Variants in PALB2 observed in about 807,000 individuals in gnomAD.
The protein encoded by PALB2 is mutant partner and localizer of BRCA2.
Under a neutral mutation model 107.4 loss-of-function variants are expected in PALB2, and 82 were observed. That is an observed-to-expected ratio of 0.76 (90% CI 0.64 to 0.92). PALB2 has a LOEUF of 0.92. Ranked by LOEUF, PALB2 falls within the 40% of genes least tolerant of loss-of-function variation. PALB2 has a pLI of 0.00. For synonymous variants in PALB2, 489 were observed against 496.8 expected (o/e 0.98, Z 0.21); for missense variants, 1,374 against 1,379.9 (o/e 1.00, Z 0.07).
chr16:23,610,782 A>C (rs145544315), intron 11 of PALB2, among the ~76,000 whole-genome samples: 9,023 of 152,020 alleles, frequency 0.059, 391 homozygotes, highest in Non-Finnish European at 0.088. Context: ...TTACGCCTGT[A>C]ATCCCAGCAT....
rs562818120 is a variant in PALB2, at chr16:23,639,904, GAC to G, written c.48+1204_48+1205del. The stretch of plus-strand genomic sequence containing the variant: ...TAAGGAATTTTCTTTTTTTTTGAGA[GAC>G]AGTCTCACTCTGTCGTCCAGCCTGG... On this transcript the variant is annotated intron_variant, in intron 1 of 12. Coordinates refer to ENST00000261584, the MANE Select transcript of PALB2 (RefSeq NM_024675.4). Among the ~76,000 whole-genome samples, 8 of 152,002 alleles carry G rather than the reference GAC, an allele frequency of 5.3e-5. No homozygotes were observed. The South Asian group carries it at 1.7e-3, about 32-fold the overall frequency.
At chr16:23,626,820 C>T (rs960454730) in intron 6 of PALB2, among the ~76,000 whole-genome samples, 21 of 152,118 alleles carry the variant, frequency 1.4e-4, no homozygotes, top group African/African-American at 4.8e-4. Context: ...CAAGGTTTCA[C>T]CATTTGGCCA....
At position 23,639,519 on chromosome 16, in the gene PALB2, A is replaced by C. The variant is rs1167457207; in HGVS notation, c.49-1390T>G. 5.5e-5 allele frequency among the ~76,000 whole-genome samples: 8 copies of C among 145,156 alleles called. No individual in the cohort carries two copies. The East Asian group carries it at 1.6e-3, about 29-fold the overall frequency. ...GGCAACAGAGCGAGACTCTGCTTGA[A>C]AAAAAAAAAAAAAAAAAAGGCCGGG... On this transcript the variant is annotated intron_variant, in intron 1 of 12. Coordinates refer to ENST00000261584, the MANE Select transcript of PALB2 (RefSeq NM_024675.4).
chr16:23,640,195 A>ACCAAT lies in PALB2; in HGVS notation c.48+910_48+914dup, dbSNP rs1370038299. The ACCAAT allele has an allele frequency of 3.4e-5, 6 of 176,966 alleles. No individual in the cohort carries two copies. The East Asian group carries it at 5.8e-4, about 17-fold the overall frequency. The allele number at this position is 176,966 out of a possible 1,614,324, so 11.0% of individuals were successfully genotyped here. On this transcript the variant is annotated intron_variant, in intron 1 of 12. Coordinates refer to ENST00000261584, the MANE Select transcript of PALB2 (RefSeq NM_024675.4). ...CGTGAGCCAGGGAGACTGGCCTCCC[A>ACCAAT]CCAATCTTATCAATGTCTGGGGATT... is the stretch of plus-strand genomic sequence containing the variant.
chr16:23,626,538 G>C (rs1966843182), intron 6 of PALB2, 141 bp from the exon 7 acceptor site: 7 of 901,298 alleles, frequency 7.8e-6, no homozygotes, highest in Non-Finnish European at 6.9e-6. Context: ...AAAAGAAAGA[G>C]CTTTGTGGTT....
At chr16:23,613,489 CA>C (rs1966623900) in intron 11 of PALB2, among the ~76,000 whole-genome samples, 1 of 151,904 alleles carries the variant, frequency 6.6e-6, no homozygotes, top group South Asian at 2.1e-4. Flanking sequence ...ACTAAAAATA[CA>C]AAAATTAGCC....
At position 23,624,063 on chromosome 16, in the gene PALB2, T is replaced by A. The variant is rs62625280; in HGVS notation, c.2780A>T (p.Asp927Val). The A allele has an allele frequency of 1.2e-6, 2 of 1,608,088 alleles. No individual in the cohort carries two copies. Among genetic ancestry groups the A allele is most frequent in the East Asian group, 2.2e-5 (1 of 44,836 alleles). The change falls in exon 8 of 13, where the codon GAT (aspartate) becomes GTT (valine). Residue 927 changes from aspartate to valine, a missense_variant. By Grantham distance (152) the Asp-to-Val change is radical. Transcript: ENST00000261584. ...AGCTACACACACGAGATTATACACATCAGGCACTGGAACTATCTGTAATAC... is the reference window on the plus strand; with the variant it reads ...AGCTACACACACGAGATTATACACAACAGGCACTGGAACTATCTGTAATAC... Reference protein sequence around the residue: ...VPVLQIVPVPDVYNLVCVALG... With the variant: ...VPVLQIVPVPVVYNLVCVALG...
intron 5 of PALB2, 37 bp downstream of exon 5, chr16:23,629,603 C>T (rs2142370839): frequency 6.3e-7 from 1 of 1,592,146 alleles, no homozygotes; most frequent in East Asian, 2.2e-5. Flanking sequence ...GCATTTCATT[C>T]CTTCAGAGAA....
Position 23,641,091 on chromosome 16 carries a change from C to T in PALB2, c.48+19G>A, listed in dbSNP as rs1057523580. 1 of 1,612,458 alleles carries T rather than the reference C, an allele frequency of 6.2e-7. No homozygotes were observed. The highest frequency in any genetic ancestry group is 2.2e-5 in the East Asian group (1 of 44,850). ...GCGGGGTCAGAGTCCTGCGTCCGCCCTTCCCGCACCCCCGGCACCTTTTCC... is the reference window on the plus strand; with the variant it reads ...GCGGGGTCAGAGTCCTGCGTCCGCCTTTCCCGCACCCCCGGCACCTTTTCC... On this transcript the variant is annotated intron_variant, in intron 1 of 12. Coordinates refer to ENST00000261584, the MANE Select transcript of PALB2 (RefSeq NM_024675.4).
At chr16:23,608,801 T>TATATATATACACAC (rs560756242) in intron 11 of PALB2, among the ~76,000 whole-genome samples, 4 of 143,762 alleles carry the variant, frequency 2.8e-5, no homozygotes, top group African/African-American at 1.1e-4. Flanking sequence ...TGTATATATA[T>TATATATATACACAC]ACACACACAC....
intron 11 of PALB2, among the ~76,000 whole-genome samples, chr16:23,609,117 C>T (rs965808766): frequency 3.9e-5 from 6 of 152,160 alleles, no homozygotes; most frequent in African/African-American, 9.6e-5. Context: ...TGAGCCACGG[C>T]GTCAGGTCAA....
intron 10 of PALB2, among the ~76,000 whole-genome samples, chr16:23,618,128 A>G (rs111614974): frequency 0.011 from 1,652 of 152,164 alleles, 28 homozygotes; most frequent in African/African-American, 0.038. Flanking sequence ...CCAAGTTCTC[A>G]TCTCTACAAA....
rs1288887287 is a variant in PALB2 at position 23,635,128 on chromosome 16, G to A, written c.1418C>T (p.Pro473Leu). 1.2e-6 allele frequency: 2 copies of A among 1,614,038 alleles called. No homozygotes were observed. Among genetic ancestry groups the A allele is most frequent in the African/African-American group, 2.7e-5 (2 of 74,922 alleles). Residue 473 changes from proline to leucine, a missense_variant, in exon 4 of 13, where the codon CCA becomes CTA. By Grantham distance (98) the Pro-to-Leu change is moderately conservative. Transcript: ENST00000261584. ...AAGTTTCTGAGAGGTTCTTGAACTT[G>A]GTTGTCCTGTGCATGTGCCAGACAT... ...IRMSGTCTGQ[P>L]SSRTSQKLLS...
At chr16:23,608,821 CACAT>C (rs1966530481) in intron 11 of PALB2, among the ~76,000 whole-genome samples, 1 of 148,536 alleles carries the variant, frequency 6.7e-6, no homozygotes. Flanking sequence ...CACACACACA[CACAT>C]ATATACAGAT....
In PALB2 at chr16:23,622,959, CT is replaced by C. The variant is rs769414858; in HGVS notation, c.2996+9del. 3.7e-5 allele frequency: 60 copies of C among 1,613,900 alleles called. No individual in the cohort carries two copies. The African/African-American group carries it at 7.5e-4, about 20-fold the overall frequency. On this transcript the variant is annotated intron_variant, in intron 9 of 12. Coordinates refer to ENST00000261584, the MANE Select transcript of PALB2 (RefSeq NM_024675.4). ...TCTAATAGTTAAAAATCAATCAATG[CT>C]TTTCTTACCCTCCATCTTCTGCAAA...
Position 23,632,464 on chromosome 16 carries a change from T to C in PALB2, c.1685-1995A>G, listed in dbSNP as rs985269602. 7.9e-5 allele frequency among the ~76,000 whole-genome samples: 12 copies of C among 152,148 alleles called. No homozygotes were observed. In the East Asian group the frequency reaches 1.7e-3, roughly 22 times the overall value. The stretch of plus-strand genomic sequence containing the variant: ...ATCTCAAAAACAAACAAACCCATTA[T>C]GCTGAGCAGCCAGACACAAAAGGTC... On this transcript the variant is annotated intron_variant, in intron 4 of 12. Coordinates refer to ENST00000261584, the MANE Select transcript of PALB2 (RefSeq NM_024675.4).
At chr16:23,606,398 C>G (rs574601122) in intron 12 of PALB2, among the ~76,000 whole-genome samples, 1 of 152,248 alleles carries the variant, frequency 6.6e-6, no homozygotes, top group Admixed American at 6.5e-5. Flanking sequence ...AAGCAAGACC[C>G]TGCAGAAGTG....
chr16:23,614,113 A>C, intron 10 of PALB2, 22 bp from the exon 11 acceptor site: 1 of 1,498,952 alleles, frequency 6.7e-7, no homozygotes, highest in South Asian at 1.1e-5. Flanking sequence ...AAAATAAATA[A>C]GCTGATCACA....
rs1966390954 is a variant in PALB2 at position 23,603,274 on chromosome 16, GTA to G, written c.*183_*184del. On this transcript the variant is annotated 3_prime_UTR_variant, in exon 13 of 13. Coordinates refer to ENST00000261584, the MANE Select transcript of PALB2 (RefSeq NM_024675.4). ...TCAACCTAAAACCCTTTTTCTCAAA[GTA>G]TACATAAATGTACATCCAAGATCAG... The G allele has an allele frequency of 3.4e-6, 2 of 583,858 alleles. No individual in the cohort carries two copies. Among genetic ancestry groups the G allele is most frequent in the Non-Finnish European group, 6.0e-6 (2 of 331,700 alleles). 36.2% of individuals were successfully genotyped at this position (583,858 alleles called of 1,614,324 possible). A position where few individuals can be genotyped will look rare whatever the true frequency, so the allele number is the denominator to read the frequency against.
Sources: allele counts gnomAD v4.1 joint callset (sites outside exome capture counted in the v4.1 genomes callset), GRCh38; gene constraint gnomAD v4.1.1; transcripts MANE v1.5; gene names NCBI Gene and HGNC (gene_info 2026-07-23, HGNC 2026-07-21).